PTPRD: variants seen among roughly 807,000 people sequenced by gnomAD.
The protein encoded by PTPRD is receptor-type tyrosine-protein phosphatase delta.
A neutral mutation model predicts 214.5 loss-of-function variants in PTPRD; 34 were observed. The ratio of observed to expected loss-of-function variants is 0.16; its 90% CI spans 0.12 to 0.21. The LOEUF (loss-of-function observed/expected upper bound fraction) is 0.21. PTPRD is among the 10% of genes least tolerant of loss of function. The pLI is 1.00. For synonymous variants in PTPRD, 1,128 were observed against 845.7 expected (o/e 1.33, Z -5.79); for missense variants, 2,545 against 2,398.7 (o/e 1.06, Z -1.27).
chr9:9,320,683 C>T (rs915724328), intron 9 of PTPRD, among the ~76,000 whole-genome samples: 1 of 152,106 alleles, frequency 6.6e-6, no homozygotes, highest in Non-Finnish European at 1.5e-5. Context: ...CAAAACCATA[C>T]AAGTCTAAAC....
At chr9:9,802,845 T>A (rs1444127800) in intron 5 of PTPRD, among the ~76,000 whole-genome samples, 1 of 151,886 alleles carries the variant, frequency 6.6e-6, no homozygotes, top group Non-Finnish European at 1.5e-5. Context: ...TACAATTGTT[T>A]ATTCATTCTC....
At chr9:9,260,074 T>C (rs980738087) in intron 9 of PTPRD, among the ~76,000 whole-genome samples, 19 of 151,846 alleles carry the variant, frequency 1.3e-4, no homozygotes, top group African/African-American at 4.3e-4. Flanking sequence ...CAAAAAACTG[T>C]TTTATGAGCT....
intron 30 of PTPRD, among the ~76,000 whole-genome samples, chr9:8,482,561 G>C (rs763912385): frequency 1.3e-5 from 2 of 152,016 alleles, no homozygotes; most frequent in Non-Finnish European, 2.9e-5. Flanking sequence ...AATGAGAAAG[G>C]ATTTATTCTT....
chr9:9,874,894 A>C (rs1247928294), intron 5 of PTPRD, among the ~76,000 whole-genome samples: 1 of 152,162 alleles, frequency 6.6e-6, no homozygotes, highest in East Asian at 1.9e-4. Context: ...AGAAATATAA[A>C]ATACTTTCCA....
At chr9:9,350,234 T>G (rs2050592318) in intron 9 of PTPRD, among the ~76,000 whole-genome samples, 1 of 152,106 alleles carries the variant, frequency 6.6e-6, no homozygotes, top group South Asian at 2.1e-4. Flanking sequence ...TAATAACTCT[T>G]AGACTGGATT....
chr9:9,037,676 A>G lies in PTPRD; in HGVS notation c.-142-18941T>C, dbSNP rs1321552362. On this transcript the variant is annotated intron_variant, in intron 10 of 45. Transcript: ENST00000381196. The stretch of plus-strand genomic sequence containing the variant: ...TCTCTTTGTCTTTCCCTTCTTTACA[A>G]GATTTATCAGATGGTACAGAAAGGT... Among the ~76,000 whole-genome samples the G allele has an allele frequency of 2.0e-5, 3 of 152,176 alleles. No individual in the cohort carries two copies. The East Asian group carries it at 5.8e-4, about 29-fold the overall frequency.
intron 5 of PTPRD, among the ~76,000 whole-genome samples, chr9:9,827,187 C>A (rs1244323429): frequency 6.6e-6 from 1 of 151,958 alleles, no homozygotes; most frequent in Non-Finnish European, 1.5e-5. Flanking sequence ...AAAAAAGAGC[C>A]CACATTGCCA....
intron 2 of PTPRD, among the ~76,000 whole-genome samples, chr9:10,495,222 AGT>A (rs1216604410): frequency 6.6e-6 from 1 of 151,822 alleles, no homozygotes; most frequent in Non-Finnish European, 1.5e-5. Flanking sequence ...AATCAGTAAG[AGT>A]GTGTTAGAAT....
rs368781521 is a variant in PTPRD at position 8,504,393 on chromosome 9, T to G, written c.1690A>C (p.Ile564Leu). 1.2e-6 allele frequency: 2 copies of G among 1,614,104 alleles called. No individual in the cohort carries two copies. The highest frequency in any genetic ancestry group is 8.5e-7 in the Non-Finnish European group (1 of 1,179,998). ...GEHGEEQRIT[I>L]EPGTSYRLQG... ...AGCCTATATGATGTCCCTGGCTCAATGGTAATTCGTTGCTGGAAGCAATAA... is the reference window on the plus strand; with the variant it reads ...AGCCTATATGATGTCCCTGGCTCAAGGGTAATTCGTTGCTGGAAGCAATAA... Residue 564 changes from isoleucine (I) to leucine (L), a missense_variant, in exon 23 of 46, where the codon ATT becomes CTT. By Grantham distance (5) the Ile-to-Leu change is conservative (BLOSUM62 2). Coordinates refer to ENST00000381196, the MANE Select transcript of PTPRD (RefSeq NM_002839.4).
At chr9:9,890,878 T>C (rs572570735) in intron 5 of PTPRD, among the ~76,000 whole-genome samples, 1 of 152,182 alleles carries the variant, frequency 6.6e-6, no homozygotes, top group African/African-American at 2.4e-5. Context: ...TCTTATCCTA[T>C]TTAATTCCAA....
intron 35 of PTPRD, among the ~76,000 whole-genome samples, chr9:8,429,483 T>C (rs562012060): frequency 4.6e-5 from 7 of 152,196 alleles, no homozygotes; most frequent in African/African-American, 7.2e-5. Context: ...ATGTATTTCA[T>C]TATTCATCAA....
intron 3 of PTPRD, among the ~76,000 whole-genome samples, chr9:10,111,772 C>A (rs1372114486): frequency 6.6e-6 from 1 of 152,126 alleles, no homozygotes; most frequent in African/African-American, 2.4e-5. Flanking sequence ...AATAAACCTG[C>A]AAGTAAATTT....
chr9:10,272,287 C>T lies in PTPRD; in HGVS notation c.-545+68676G>A, dbSNP rs553422468. On this transcript the variant is annotated intron_variant, in intron 3 of 45. Transcript: ENST00000381196. ...CATCTTGTAACATGTATCAGCACTT[C>T]GCTTTTTATTGCCAATAATATTCCA... 8.5e-5 allele frequency among the ~76,000 whole-genome samples: 13 copies of T among 152,256 alleles called. 1 individual carries two copies. In the South Asian group the frequency reaches 1.7e-3, roughly 19 times the overall value.
At chr9:9,923,148 G>C (rs1179604505) in intron 5 of PTPRD, among the ~76,000 whole-genome samples, 4 of 151,056 alleles carry the variant, frequency 2.6e-5, no homozygotes, top group Admixed American at 2.0e-4. Context: ...GTGTGTGTGT[G>C]TATGTACAGA....
intron 36 of PTPRD, among the ~76,000 whole-genome samples, chr9:8,399,742 T>C (rs1438947119): frequency 6.6e-6 from 1 of 152,186 alleles, no homozygotes; most frequent in Non-Finnish European, 1.5e-5. Flanking sequence ...GCATCAGTTT[T>C]GAATTAGGTT....
chr9:9,406,338 T>A (rs1813028619), intron 8 of PTPRD, among the ~76,000 whole-genome samples: 1 of 151,928 alleles, frequency 6.6e-6, no homozygotes, highest in South Asian at 2.1e-4. Context: ...AAGCTTGAAG[T>A]AAACACTAAG....
intron 3 of PTPRD, among the ~76,000 whole-genome samples, chr9:10,273,426 A>G (rs1006925826): frequency 1.3e-5 from 2 of 152,128 alleles, no homozygotes; most frequent in African/African-American, 4.8e-5. Flanking sequence ...TCAGTGGCCA[A>G]CTACATTAGA....
chr9:9,056,266 T>A (rs1030842203), intron 10 of PTPRD, among the ~76,000 whole-genome samples: 1 of 152,154 alleles, frequency 6.6e-6, no homozygotes, highest in Non-Finnish European at 1.5e-5. Context: ...TTAATACATT[T>A]ATGGATGATC....
At chr9:10,145,460 G>C (rs291288) in intron 3 of PTPRD, among the ~76,000 whole-genome samples, 1 of 151,958 alleles carries the variant, frequency 6.6e-6, no homozygotes, top group Non-Finnish European at 1.5e-5. Context: ...AATTGTAAAC[G>C]TATTTTCTCT....
Sources: gnomAD v4.1 joint callset for allele counts (sites outside exome capture counted in the v4.1 genomes callset) on GRCh38, gnomAD v4.1.1 for gene constraint, MANE v1.5 for transcripts, NCBI Gene and HGNC (gene_info 2026-07-23, HGNC 2026-07-21) for gene names.